Variants in SCN1A observed in about 807,000 individuals in gnomAD.
SCN1A encodes sodium channel protein type 1 subunit alpha.
SCN1A carries 13 observed loss-of-function variants against 193.7 expected under a neutral mutation model. The observed-to-expected ratio is 0.07, with a 90% CI of 0.04 to 0.11. SCN1A has a LOEUF of 0.11. Among genes scored for constraint, SCN1A ranks in the 10% least tolerant of loss-of-function variants. SCN1A has a pLI of 1.00. For synonymous variants in SCN1A, 781 were observed against 843.6 expected (o/e 0.93, Z 1.29); for missense variants, 1,432 against 2,451.1 (o/e 0.58, Z 8.78).
At chr2:166,081,678 GGT>G (rs1302562768) in intron 2 of SCN1A, 10 of 151,528 alleles carry the variant, frequency 6.6e-5, no homozygotes, top group Admixed American at 2.0e-4. Flanking sequence ...CCATAACTAA[GGT>G]AATGTCTTGA....
intron 25 of SCN1A, among the ~76,000 whole-genome samples, chr2:165,998,891 A>G (rs534221807): frequency 6.6e-6 from 1 of 151,522 alleles, no homozygotes; most frequent in Non-Finnish European, 1.5e-5. Flanking sequence ...GATATTCAAC[A>G]TAAAACTAAA....
chr2:166,107,093 T>C (rs570526573), intron 2 of SCN1A, among the ~76,000 whole-genome samples: 1 of 152,310 alleles, frequency 6.6e-6, no homozygotes, highest in South Asian at 2.1e-4. Flanking sequence ...CCTTAACTAC[T>C]TGTATAGACC....
At chr2:166,124,296 C>A (rs1456537249) in intron 2 of SCN1A, among the ~76,000 whole-genome samples, 3 of 151,676 alleles carry the variant, frequency 2.0e-5, no homozygotes, top group Non-Finnish European at 4.4e-5. Flanking sequence ...CTCCTGTAAT[C>A]CCAGCACTTT....
intron 3 of SCN1A, among the ~76,000 whole-genome samples, chr2:166,076,083 G>A (rs926420722): frequency 6.6e-6 from 1 of 151,536 alleles, no homozygotes; most frequent in African/African-American, 2.4e-5. Context: ...TTTTAAAAAT[G>A]TATATTTTTT....
chr2:166,047,128 A>T (rs1697939172), intron 11 of SCN1A, 152 bp from the exon 12 acceptor site: 3 of 855,196 alleles, frequency 3.5e-6, no homozygotes, highest in Non-Finnish European at 5.3e-6. Flanking sequence ...TTGTTTCTTT[A>T]ACTTCAGCTT....
Position 166,107,800 on chromosome 2 carries a change from G to T in SCN1A, c.-142+19124C>A, listed in dbSNP as rs530438854. ...GAAACTGTGGATAACAATGTACAAA[G>T]ATTAATTCAAAATTAATCATAAATT... On this transcript the variant is annotated intron_variant, in intron 2 of 28. Coordinates refer to ENST00000674923, the MANE Select transcript of SCN1A (RefSeq NM_001165963.4). Among the ~76,000 whole-genome samples, 4 of 152,154 alleles carry T rather than the reference G, an allele frequency of 2.6e-5. No individual in the cohort carries two copies. The East Asian group carries it at 5.8e-4, about 22-fold the overall frequency.
intron 9 of SCN1A, among the ~76,000 whole-genome samples, chr2:166,051,122 T>A (rs1698511887): frequency 6.6e-6 from 1 of 151,998 alleles, no homozygotes; most frequent in Non-Finnish European, 1.5e-5. Flanking sequence ...CAACCAAGGA[T>A]CCTAGGAAAA....
chr2:166,002,444 A>G (rs1195120946), intron 24 of SCN1A, 28 bp downstream of exon 24: 3 of 1,595,420 alleles, frequency 1.9e-6, no homozygotes, highest in East Asian at 2.2e-5. Context: ...AACAATAAAA[A>G]TATTCAGAGA....
At chr2:166,138,046 G>A (rs374567716) in intron 1 of SCN1A, among the ~76,000 whole-genome samples, 1 of 152,134 alleles carries the variant, frequency 6.6e-6, no homozygotes, top group South Asian at 2.1e-4. Flanking sequence ...GTGGAACTTT[G>A]AACTTGGGAG....
rs768131266 is a variant in SCN1A at position 166,015,740 on chromosome 2, T to C, written c.3430-13A>G. On this transcript the variant is annotated splice_polypyrimidine_tract_variant and intron_variant, in intron 19 of 28. Coordinates refer to ENST00000674923, the MANE Select transcript of SCN1A (RefSeq NM_001165963.4). The stretch of plus-strand genomic sequence containing the variant: ...TTTCATTCAGTTTCTGTAAGTGAGA[T>C]GGACATAGAAAGTAAAGTCCTTTAA... The C allele has an allele frequency of 1.9e-6, 3 of 1,612,396 alleles. No individual in the cohort carries two copies. Among genetic ancestry groups the C allele is most frequent in the Non-Finnish European group, 2.5e-6 (3 of 1,178,646 alleles).
intron 1 of SCN1A, among the ~76,000 whole-genome samples, chr2:166,135,783 T>C (rs562448487): frequency 2.6e-4 from 40 of 152,272 alleles, no homozygotes; most frequent in African/African-American, 9.1e-4. Flanking sequence ...TTTAGCCTAG[T>C]TCTCCTCGTG....
intron 2 of SCN1A, among the ~76,000 whole-genome samples, chr2:166,108,357 G>A (rs1300266150): frequency 2.0e-5 from 3 of 152,060 alleles, no homozygotes; most frequent in Non-Finnish European, 2.9e-5. Flanking sequence ...TATATTGTTA[G>A]TAGGAATGTA....
Position 166,073,539 on chromosome 2 carries a change from C to A in SCN1A, c.83G>T (p.Arg28Leu). ...TRESLAAIER[R>L]IAEEKAKNPK... ...ATTCTTTGCCTTTTCTTCTGCAATG[C>A]GTCTTTCAATAGCCGCAAGAGATTC... Residue 28 changes from arginine (R) to leucine (L), a missense_variant, in exon 4 of 29, where the codon CGC becomes CTC. Coordinates refer to ENST00000674923, the MANE Select transcript of SCN1A (RefSeq NM_001165963.4). 4 of 1,614,138 alleles carry A rather than the reference C, an allele frequency of 2.5e-6. No individual in the cohort carries two copies. Among genetic ancestry groups the A allele is most frequent in the Admixed American group, 1.7e-5 (1 of 60,014 alleles).
At chr2:166,135,565 A>G (rs1292495635) in intron 1 of SCN1A, among the ~76,000 whole-genome samples, 4 of 152,168 alleles carry the variant, frequency 2.6e-5, no homozygotes, top group Admixed American at 6.5e-5. Flanking sequence ...TGCAGTTCCA[A>G]TCTTCGGATA....
intron 27 of SCN1A, among the ~76,000 whole-genome samples, chr2:165,994,891 G>A (rs1437450275): frequency 6.6e-6 from 1 of 151,676 alleles, no homozygotes; most frequent in Non-Finnish European, 1.5e-5. Flanking sequence ...GAATTTCCAA[G>A]ACACATCTAT....
intron 2 of SCN1A, among the ~76,000 whole-genome samples, chr2:166,088,718 A>G (rs1686426196): frequency 1.3e-5 from 2 of 152,184 alleles, no homozygotes; most frequent in African/African-American, 2.4e-5. Flanking sequence ...TGGGCTAGGT[A>G]GGGCATTATT....
chr2:166,089,848 T>A (rs148181567), intron 2 of SCN1A, among the ~76,000 whole-genome samples: 180 of 152,242 alleles, frequency 1.2e-3, no homozygotes, highest in African/African-American at 4.2e-3. Flanking sequence ...TTAAAACCAG[T>A]GGCAAGCATA....
rs147866481 is a variant in SCN1A, at chr2:166,078,353, G to A, written c.-141-552C>T. 2.3e-3 allele frequency among the ~76,000 whole-genome samples: 337 copies of A among 148,940 alleles called. 1 individual carries two copies. Among genetic ancestry groups the A allele is most frequent in the Middle Eastern group, 6.8e-3 (2 of 294 alleles). ...AACTGCGTTTAATTTGTTAATTTAG[G>A]GAAAAAATTAATTTTTTTCCTAAAT... On this transcript the variant is annotated intron_variant, in intron 2 of 28. Transcript: ENST00000674923.
intron 13 of SCN1A, among the ~76,000 whole-genome samples, chr2:166,044,582 A>T (rs1163354377): frequency 2.0e-5 from 3 of 152,212 alleles, no homozygotes; most frequent in African/African-American, 7.2e-5. Flanking sequence ...ATTCAGAGTC[A>T]TGTGCCTTTT....
Sources: allele counts gnomAD v4.1 joint callset (sites outside exome capture counted in the v4.1 genomes callset), GRCh38; gene constraint gnomAD v4.1.1; transcripts MANE v1.5; gene names NCBI Gene and HGNC (gene_info 2026-07-23, HGNC 2026-07-21).